The following PTPRZ1 variants were observed in gnomAD, a reference collection of about 807,000 sequenced individuals.
PTPRZ1 encodes receptor-type tyrosine-protein phosphatase zeta.
PTPRZ1 carries 82 observed loss-of-function variants against 214.1 expected under a neutral mutation model. The ratio of observed to expected loss-of-function variants is 0.38; its 90% CI spans 0.32 to 0.46. The LOEUF (loss-of-function observed/expected upper bound fraction) is 0.46, where lower values mean the gene tolerates loss of function less well. Among genes scored for constraint, PTPRZ1 ranks in the 20% least tolerant of loss-of-function variants. The pLI is 1.00. For missense variants in PTPRZ1, 2,603 were observed against 2,748.7 expected (o/e 0.95, Z 1.19); for synonymous variants, 945 against 987.9 (o/e 0.96, Z 0.81).
At chr7:121,968,300 A>G (rs903453646) in intron 3 of PTPRZ1, among the ~76,000 whole-genome samples, 170 bp downstream of exon 3, 1 of 151,854 alleles carries the variant, frequency 6.6e-6, no homozygotes, top group Non-Finnish European at 1.5e-5. Flanking sequence ...CAATATTTTG[A>G]CAATTTGTAC....
intron 1 of PTPRZ1, among the ~76,000 whole-genome samples, chr7:121,907,328 A>T (rs1278572623): frequency 6.6e-6 from 1 of 152,056 alleles, no homozygotes; most frequent in African/African-American, 2.4e-5. Flanking sequence ...ACTTATGTTC[A>T]AAATGAATTA....
At chr7:121,881,315 T>C (rs1473740210) in intron 1 of PTPRZ1, among the ~76,000 whole-genome samples, 3 of 152,226 alleles carry the variant, frequency 2.0e-5, no homozygotes, top group Non-Finnish European at 4.4e-5. Flanking sequence ...ATGTCTGTTA[T>C]GTTAGCCACC....
At chr7:121,969,561 CA>C (rs5887062) in intron 3 of PTPRZ1, among the ~76,000 whole-genome samples, 46,000 of 122,448 alleles carry the variant, frequency 0.38, 8,641 homozygotes, top group Non-Finnish European at 0.47. Context: ...AACTCTGTCT[CA>C]AAAAAAAAAA....
intron 1 of PTPRZ1, among the ~76,000 whole-genome samples, chr7:121,924,572 G>A (rs1795701765): frequency 6.6e-6 from 1 of 152,136 alleles, no homozygotes; most frequent in African/African-American, 2.4e-5. Context: ...AAAAACCAAG[G>A]ATAAATGTTC....
intron 2 of PTPRZ1, among the ~76,000 whole-genome samples, chr7:121,962,666 G>A (rs1322338927): frequency 6.6e-6 from 1 of 151,180 alleles, no homozygotes; most frequent in Non-Finnish European, 1.5e-5. Context: ...TCAGGTTCAA[G>A]CAATTCTTCT....
intron 23 of PTPRZ1, among the ~76,000 whole-genome samples, chr7:122,047,406 C>T (rs559812943): frequency 6.6e-6 from 1 of 152,102 alleles, no homozygotes; most frequent in East Asian, 1.9e-4. Context: ...TCTTTAAAAA[C>T]TAATGGGAAG....
Position 121,884,436 on chromosome 7 carries a change from T to C in PTPRZ1, c.58+10879T>C, listed in dbSNP as rs1322814146. Among the ~76,000 whole-genome samples, 8 of 152,298 alleles carry C rather than the reference T, an allele frequency of 5.3e-5. No homozygotes were observed. The East Asian group carries it at 1.4e-3, about 26-fold the overall frequency. ...TCCTGCTGCTAAAAACTGATACTGC[T>C]TTATTTTGAATGTTAAAAGATTACA... On this transcript the variant is annotated intron_variant, in intron 1 of 29. Coordinates refer to ENST00000393386, the MANE Select transcript of PTPRZ1 (RefSeq NM_002851.3).
At chr7:122,031,401 C>T (rs1799365876) in intron 14 of PTPRZ1, 73 bp from the exon 15 acceptor site, 1 of 1,032,538 alleles carries the variant, frequency 9.7e-7, no homozygotes, top group African/African-American at 1.6e-5. Context: ...GTTTCAGAAG[C>T]TACTTTATAA....
intron 11 of PTPRZ1, among the ~76,000 whole-genome samples, chr7:122,008,460 T>C (rs1584735944): frequency 6.6e-6 from 1 of 152,122 alleles, no homozygotes; most frequent in Admixed American, 6.6e-5. Context: ...CCCAGGTTCA[T>C]GATAGGGACT....
chr7:121,978,924 A>G (rs1203442361), intron 6 of PTPRZ1, among the ~76,000 whole-genome samples: 1 of 152,026 alleles, frequency 6.6e-6, no homozygotes, highest in Non-Finnish European at 1.5e-5. Flanking sequence ...CTGCCCAATA[A>G]ACTGAAGGCT....
At chr7:121,967,860 TA>T in intron 2 of PTPRZ1, 90 bp from the exon 3 acceptor site, 1 of 871,150 alleles carries the variant, frequency 1.1e-6, no homozygotes. Flanking sequence ...CTATTGCATC[TA>T]TTTTTATGTA....
At chr7:122,038,115 C>T (rs2150475991) in intron 18 of PTPRZ1, among the ~76,000 whole-genome samples, 1 of 152,172 alleles carries the variant, frequency 6.6e-6, no homozygotes, top group South Asian at 2.1e-4. Flanking sequence ...ACGAGAACAG[C>T]GTGGGGGAAA....
At position 122,012,662 on chromosome 7, in the gene PTPRZ1, C is replaced by T. The variant is rs1312531331; in HGVS notation, c.3616C>T (p.Pro1206Ser). Residue 1206 changes from proline to serine, a missense_variant, in exon 12 of 30, where the codon CCA becomes TCA. By Grantham distance (74) the Pro-to-Ser change is moderately conservative (BLOSUM62 -1). Around this residue, in one of 6 missense-constraint regions of PTPRZ1, gnomAD observed 1,913 missense variants for 1,914.3 expected, o/e 1.00. Transcript: ENST00000393386. ...KTVLPAVPSD[P>S]ILVETPKVDK... ...TGTTCTTCCAGCTGTGCCCAGTGATCCAATATTGGTTGAAACCCCCAAAGT... is the reference window on the plus strand; with the variant it reads ...TGTTCTTCCAGCTGTGCCCAGTGATTCAATATTGGTTGAAACCCCCAAAGT... 2 of 1,613,386 alleles carry T rather than the reference C, an allele frequency of 1.2e-6. No homozygotes were observed. Among genetic ancestry groups the T allele is most frequent in the Admixed American group, 1.7e-5 (1 of 60,008 alleles).
intron 1 of PTPRZ1, among the ~76,000 whole-genome samples, chr7:121,924,492 A>G (rs904956331): frequency 1.4e-4 from 22 of 152,204 alleles, no homozygotes; most frequent in Non-Finnish European, 2.6e-4. Context: ...AACAATACAT[A>G]AAGGAACTGA....
At chr7:121,937,965 T>C (rs1367850148) in intron 2 of PTPRZ1, among the ~76,000 whole-genome samples, 1 of 152,236 alleles carries the variant, frequency 6.6e-6, no homozygotes, top group African/African-American at 2.4e-5. Context: ...TTATTTATCA[T>C]TATAAAAGTG....
intron 2 of PTPRZ1, among the ~76,000 whole-genome samples, chr7:121,930,109 A>G (rs1328789719): frequency 6.6e-6 from 1 of 152,118 alleles, no homozygotes; most frequent in African/African-American, 2.4e-5. Flanking sequence ...AAGTTAAATT[A>G]GAACCTGGAA....
At chr7:122,028,273 A>T (rs1799265884) in intron 13 of PTPRZ1, 1 of 268,336 alleles carries the variant, frequency 3.7e-6, no homozygotes, top group South Asian at 6.3e-5. Flanking sequence ...ACAAAGTATC[A>T]CTTTGAACCC....
intron 8 of PTPRZ1, among the ~76,000 whole-genome samples, chr7:121,989,796 T>C (rs1797892407): frequency 6.6e-6 from 1 of 152,206 alleles, no homozygotes; most frequent in South Asian, 2.1e-4. Context: ...TTTTATTACA[T>C]GAAATTATAA....
chr7:122,017,262 G>A (rs1798869933), intron 12 of PTPRZ1, among the ~76,000 whole-genome samples: 1 of 152,016 alleles, frequency 6.6e-6, no homozygotes, highest in African/African-American at 2.4e-5. Context: ...TCACCATCAG[G>A]TTATTTAGGT....
Sources: allele counts gnomAD v4.1 joint callset (sites outside exome capture counted in the v4.1 genomes callset), GRCh38; gene constraint gnomAD v4.1.1; regional missense constraint gnomAD v4.1.1; transcripts MANE v1.5; gene names NCBI Gene and HGNC (gene_info 2026-07-23, HGNC 2026-07-21).